NAALADL2: variants seen among roughly 807,000 people sequenced by gnomAD.
The protein encoded by NAALADL2 is N-acetylated alpha-linked acidic dipeptidase like 2, also known as inactive N-acetylated-alpha-linked acidic dipeptidase-like protein 2.
In NAALADL2, 76 loss-of-function variants were observed where a neutral mutation model predicts 87.2. The observed-to-expected ratio is 0.87, with a 90% CI of 0.72 to 1.05. The LOEUF (loss-of-function observed/expected upper bound fraction) is 1.05, where lower values mean the gene tolerates loss of function less well. Ranked by LOEUF, NAALADL2 falls within the 50% of genes least tolerant of loss-of-function variation. The probability of loss-of-function intolerance (pLI) is 0.00; values close to 1 mark genes in which losing one functional copy is unlikely to be tolerated. For missense variants in NAALADL2, 1,089 were observed against 945.8 expected, an observed-to-expected ratio of 1.15 and a Z score of -1.99; for synonymous variants, 354 against 331.0, an observed-to-expected ratio of 1.07 and a Z score of -0.75.
intron 13 of NAALADL2, among the ~76,000 whole-genome samples, chr3:175,776,071 C>G (rs1750195618): frequency 6.6e-6 from 1 of 152,038 alleles, no homozygotes; most frequent in African/African-American, 2.4e-5. Flanking sequence ...CCTTCTTCTC[C>G]TACCTTATGG....
chr3:174,979,543 G>T (rs1744840712), intron 1 of NAALADL2, among the ~76,000 whole-genome samples: 1 of 151,768 alleles, frequency 6.6e-6, no homozygotes, highest in African/African-American at 2.4e-5. Context: ...CTGGCCTCGT[G>T]ATCCGCCCGC....
At chr3:175,637,363 G>A (rs544724213) in intron 11 of NAALADL2, among the ~76,000 whole-genome samples, 37 of 152,338 alleles carry the variant, frequency 2.4e-4, no homozygotes, top group African/African-American at 7.7e-4. Context: ...ATAGACAAAA[G>A]CAAAGATGTT....
chr3:175,229,696 G>C (rs908187173), intron 2 of NAALADL2, among the ~76,000 whole-genome samples: 1 of 151,768 alleles, frequency 6.6e-6, no homozygotes, highest in Non-Finnish European at 1.5e-5. Flanking sequence ...TGGGGGTTAG[G>C]ATTTCAACAT....
In NAALADL2 at chr3:174,978,331, T is replaced by G. The variant is rs551618540; in HGVS notation, c.44-118459T>G. Reference sequence around the variant, plus strand: ...GTTGGTTTTAATGTCAGTTTTTAATTTATGTATTCATGGTTGAAAGGCTTG... The same window carrying G: ...GTTGGTTTTAATGTCAGTTTTTAATGTATGTATTCATGGTTGAAAGGCTTG... On this transcript the variant is annotated intron_variant, in intron 1 of 13. Coordinates refer to ENST00000454872, the MANE Select transcript of NAALADL2 (RefSeq NM_207015.3). Among the ~76,000 whole-genome samples, 11 of 152,342 alleles carry G rather than the reference T, an allele frequency of 7.2e-5. No homozygotes were observed. In the South Asian group the frequency reaches 2.3e-3, roughly 32 times the overall value.
intron 5 of NAALADL2, among the ~76,000 whole-genome samples, chr3:175,385,372 T>C (rs1768253276): frequency 6.6e-6 from 1 of 152,118 alleles, no homozygotes; most frequent in African/African-American, 2.4e-5. Context: ...TGTCTTACCT[T>C]ACTTTTAGTT....
At chr3:175,286,071 A>T (rs1754934757) in intron 4 of NAALADL2, among the ~76,000 whole-genome samples, 2 of 152,222 alleles carry the variant, frequency 1.3e-5, no homozygotes, top group South Asian at 4.1e-4. Flanking sequence ...GTTACAGGAA[A>T]ACAAGTATGT....
chr3:175,801,986 G>A (rs1576875942), intron 13 of NAALADL2, among the ~76,000 whole-genome samples: 1 of 152,060 alleles, frequency 6.6e-6, no homozygotes, highest in South Asian at 2.1e-4. Context: ...AGAGAGAACA[G>A]TGTAATGAAT....
In NAALADL2 at chr3:175,805,290, C is replaced by G. The variant is rs572815131; in HGVS notation, c.*2087C>G. The G allele has an allele frequency of 6.6e-6, 1 of 151,888 alleles. No individual in the cohort carries two copies. Among genetic ancestry groups the G allele is most frequent in the Admixed American group, 6.6e-5 (1 of 15,190 alleles). The allele number at this position is 151,888 out of a possible 1,614,324, so 9.4% of individuals were successfully genotyped here. On this transcript the variant is annotated 3_prime_UTR_variant, in exon 14 of 14. Transcript: ENST00000454872. ...ACTGAGAACAGAAAACATGTTTCTT[C>G]TTCATTTTGTTTAAAGATTGCGTAC... is the stretch of plus-strand genomic sequence containing the variant.
At chr3:174,972,793 C>T (rs1243542367) in intron 1 of NAALADL2, among the ~76,000 whole-genome samples, 1 of 151,752 alleles carries the variant, frequency 6.6e-6, no homozygotes, top group Admixed American at 6.6e-5. Context: ...GTCAGGAGTT[C>T]GAGACCAGAC....
At chr3:175,015,765 G>A (rs1214778290) in intron 1 of NAALADL2, among the ~76,000 whole-genome samples, 2 of 151,930 alleles carry the variant, frequency 1.3e-5, no homozygotes, top group African/African-American at 4.8e-5. Flanking sequence ...TTGAAGAAAA[G>A]CTTGTTCATG....
intron 2 of NAALADL2, among the ~76,000 whole-genome samples, chr3:174,705,392 T>C (rs936097988): frequency 1.3e-5 from 2 of 152,236 alleles, no homozygotes; most frequent in Admixed American, 6.5e-5. Context: ...GAGCATAATT[T>C]GTCCTGTGAC....
intron 13 of NAALADL2, among the ~76,000 whole-genome samples, chr3:175,783,848 A>C (rs955866918): frequency 1.4e-5 from 2 of 147,178 alleles, no homozygotes; most frequent in Non-Finnish European, 1.5e-5. Context: ...TTTGTCATAG[A>C]TAGCTCTTAT....
At chr3:175,552,605 C>A (rs1332329211) in intron 9 of NAALADL2, among the ~76,000 whole-genome samples, 2 of 152,020 alleles carry the variant, frequency 1.3e-5, no homozygotes, top group Non-Finnish European at 2.9e-5. Context: ...TATGTGTGCT[C>A]TTGTCACATA....
chr3:175,444,725 T>C (rs1720410572), intron 5 of NAALADL2, among the ~76,000 whole-genome samples: 1 of 152,186 alleles, frequency 6.6e-6, no homozygotes, highest in Non-Finnish European at 1.5e-5. Context: ...ATGAAAACTG[T>C]TGGGAAATAA....
At chr3:175,078,141 C>T (rs934778573) in intron 1 of NAALADL2, among the ~76,000 whole-genome samples, 13 of 152,036 alleles carry the variant, frequency 8.6e-5, no homozygotes, top group African/African-American at 3.1e-4. Context: ...TCCCCTGCCT[C>T]AGCCTCCTGA....
chr3:175,778,961 C>T (rs887899307), intron 13 of NAALADL2, among the ~76,000 whole-genome samples: 14 of 152,018 alleles, frequency 9.2e-5, no homozygotes, highest in African/African-American at 3.1e-4. Flanking sequence ...AGCCATCACA[C>T]ACACACAAAA....
At chr3:174,629,901 T>G (rs1243879938) in intron 2 of NAALADL2, among the ~76,000 whole-genome samples, 1 of 152,214 alleles carries the variant, frequency 6.6e-6, no homozygotes, top group Non-Finnish European at 1.5e-5. Flanking sequence ...AAATGACTGA[T>G]TAGCTTTGGA....
intron 3 of NAALADL2, among the ~76,000 whole-genome samples, chr3:174,775,710 T>C (rs1426927569): frequency 6.6e-6 from 1 of 152,092 alleles, no homozygotes; most frequent in Non-Finnish European, 1.5e-5. Flanking sequence ...GGAGGAATCC[T>C]CCACTGGGAG....
chr3:175,733,431 T>A (rs1744058896), intron 11 of NAALADL2, among the ~76,000 whole-genome samples: 1 of 152,134 alleles, frequency 6.6e-6, no homozygotes, highest in African/African-American at 2.4e-5. Context: ...CCATTCACTA[T>A]CACAAGAATA....
Sources: allele counts gnomAD v4.1 joint callset (sites outside exome capture counted in the v4.1 genomes callset), GRCh38; gene constraint gnomAD v4.1.1; transcripts MANE v1.5; gene names NCBI Gene and HGNC (gene_info 2026-07-23, HGNC 2026-07-21).